The following PPP2CA variants were observed in gnomAD, a reference collection of about 807,000 sequenced individuals.
PPP2CA encodes the protein serine/threonine-protein phosphatase 2A catalytic subunit alpha isoform.
In PPP2CA, 5 loss-of-function variants were observed where a neutral mutation model predicts 38.8. The ratio of observed to expected loss-of-function variants is 0.13; its 90% CI spans 0.07 to 0.27. The LOEUF (loss-of-function observed/expected upper bound fraction) is 0.27. Among genes scored for constraint, PPP2CA ranks in the 10% least tolerant of loss-of-function variants. The probability of loss-of-function intolerance (pLI) is 1.00; values close to 1 mark genes in which losing one functional copy is unlikely to be tolerated. For missense variants in PPP2CA, 88 were observed against 389.7 expected, an observed-to-expected ratio of 0.23 and a Z score of 6.52; for synonymous variants, 152 against 134.0, an observed-to-expected ratio of 1.13 and a Z score of -0.93.
chr5:134,225,336 AG>A (rs1762546815), intron 1 of PPP2CA: 5 of 166,418 alleles, frequency 3.0e-5, no homozygotes, highest in Non-Finnish European at 2.6e-5. Flanking sequence ...TCCTCTGGGC[AG>A]CTCTGGACCT....
intron 1 of PPP2CA, among the ~76,000 whole-genome samples, chr5:134,223,469 G>A (rs914812518): frequency 2.6e-5 from 4 of 152,238 alleles, no homozygotes; most frequent in Non-Finnish European, 1.5e-5. Flanking sequence ...TAAACAGTAT[G>A]AAGGTTGTAT....
At chr5:134,219,906 G>A (rs1762400746) in intron 1 of PPP2CA, among the ~76,000 whole-genome samples, 1 of 151,192 alleles carries the variant, frequency 6.6e-6, no homozygotes, top group South Asian at 2.1e-4. Context: ...AGCTACTCAG[G>A]AGGCTGAGGC....
intron 2 of PPP2CA, among the ~76,000 whole-genome samples, chr5:134,204,810 T>A (rs1044926958): frequency 6.6e-6 from 1 of 152,210 alleles, no homozygotes; most frequent in Non-Finnish European, 1.5e-5. Context: ...ACTATTCAAC[T>A]GAGCTAAACC....
intron 5 of PPP2CA, 24 bp downstream of exon 5, chr5:134,200,311 C>G (rs1006768344): frequency 2.6e-6 from 4 of 1,566,046 alleles, no homozygotes; most frequent in Non-Finnish European, 3.5e-6. Context: ...AAAAACAAGT[C>G]ATATTTCAGA....
chr5:134,200,529 T>A (rs1459507896), intron 4 of PPP2CA, 33 bp from the exon 5 acceptor site: 8 of 1,603,558 alleles, frequency 5.0e-6, no homozygotes, highest in Non-Finnish European at 6.8e-6. Flanking sequence ...AAAATGCCTT[T>A]TACAAACATG....
intron 1 of PPP2CA, among the ~76,000 whole-genome samples, chr5:134,220,707 T>C (rs1762423456): frequency 6.6e-6 from 1 of 152,176 alleles, no homozygotes; most frequent in African/African-American, 2.4e-5. Flanking sequence ...TTTCCTAACT[T>C]ACCCCTTCCA....
intron 1 of PPP2CA, among the ~76,000 whole-genome samples, chr5:134,210,302 T>G (rs994112078): frequency 1.3e-5 from 2 of 152,136 alleles, no homozygotes; most frequent in Non-Finnish European, 2.9e-5. Context: ...AAGTAAATGG[T>G]AGAACCAGAC....
chr5:134,199,483 T>A (rs1489500370), intron 5 of PPP2CA: 1 of 280,572 alleles, frequency 3.6e-6, no homozygotes, highest in Admixed American at 4.8e-5. Context: ...CACCAAAGAA[T>A]GAAATACTTC....
chr5:134,219,346 C>T (rs1005399002), intron 1 of PPP2CA, among the ~76,000 whole-genome samples: 2 of 152,246 alleles, frequency 1.3e-5, no homozygotes, highest in Non-Finnish European at 2.9e-5. Flanking sequence ...CAAATGTACA[C>T]TGTCACACGA....
In PPP2CA at chr5:134,226,009, T is replaced by A; in HGVS notation, c.-148A>T. 1.6e-6 allele frequency: 1 copy of A among 631,034 alleles called. No individual in the cohort carries two copies. 39.1% of individuals were successfully genotyped at this position (631,034 alleles called of 1,614,324 possible). A position where few individuals can be genotyped will look rare whatever the true frequency, so the allele number is the denominator to read the frequency against. On this transcript the variant is annotated 5_prime_UTR_variant, in exon 1 of 7. Coordinates refer to ENST00000481195, the MANE Select transcript of PPP2CA (RefSeq NM_002715.4). ...GCTGGCCCGCTGGCTCTCACCGCAGTACTCGGCCGTCGGCCGCTGCGCCTC... is the reference window on the plus strand; with the variant it reads ...GCTGGCCCGCTGGCTCTCACCGCAGAACTCGGCCGTCGGCCGCTGCGCCTC...
chr5:134,213,053 C>G (rs956954134), intron 1 of PPP2CA, among the ~76,000 whole-genome samples: 1 of 152,156 alleles, frequency 6.6e-6, no homozygotes, highest in South Asian at 2.1e-4. Context: ...GACGATCTAC[C>G]TAAGATAAGT....
At chr5:134,200,015 A>C (rs1264701098) in intron 5 of PPP2CA, among the ~76,000 whole-genome samples, 2 of 152,252 alleles carry the variant, frequency 1.3e-5, no homozygotes, top group Non-Finnish European at 2.9e-5. Context: ...TACATTAAAT[A>C]TACGAAATAA....
rs1311693738 is a variant in PPP2CA at position 134,225,815 on chromosome 5, T to G, written c.47A>C (p.Gln16Pro). The change falls in exon 1 of 7, where the codon CAG becomes CCG. Residue 16 changes from glutamine (Q) to proline (P), a missense_variant. Around this residue, in one of 4 missense-constraint regions of PPP2CA, gnomAD observed 34 missense variants for 57.1 expected, o/e 0.60. Coordinates refer to ENST00000481195, the MANE Select transcript of PPP2CA (RefSeq NM_002715.4). Reference protein sequence around the residue: ...FTKELDQWIEQLNECKQLSES... With the variant: ...FTKELDQWIEPLNECKQLSES... ...GGACAGCTGCTTGCACTCGTTCAGC[T>G]GCTCGATCCACTGGTCCAGCTCCTT... The G allele has an allele frequency of 1.2e-6, 2 of 1,610,978 alleles. No homozygotes were observed. The highest frequency in any genetic ancestry group is 8.5e-7 in the Non-Finnish European group (1 of 1,179,252).
chr5:134,202,135 A>G, intron 2 of PPP2CA, 114 bp from the exon 3 acceptor site: 1 of 1,025,854 alleles, frequency 9.7e-7, no homozygotes, highest in Non-Finnish European at 1.4e-6. Context: ...AAAACAGCAC[A>G]CATCCTCATA....
At chr5:134,212,514 A>G (rs116750841) in intron 1 of PPP2CA, among the ~76,000 whole-genome samples, 2,595 of 152,242 alleles carry the variant, frequency 0.017, 76 homozygotes, top group African/African-American at 0.059. Context: ...GGGCCTCCCT[A>G]TCCCCTGAGA....
At chr5:134,224,392 C>A (rs2149389743) in intron 1 of PPP2CA, 3 of 417,116 alleles carry the variant, frequency 7.2e-6, no homozygotes, top group Middle Eastern at 3.5e-4. Context: ...AAATCTAAAT[C>A]TGACTTACTT....
intron 6 of PPP2CA, among the ~76,000 whole-genome samples, chr5:134,198,517 A>G (rs1418018565): frequency 6.6e-6 from 1 of 152,232 alleles, no homozygotes; most frequent in Non-Finnish European, 1.5e-5. Flanking sequence ...TCCATTAAAA[A>G]AAAAACAAAA....
In PPP2CA at chr5:134,220,215, T is replaced by C. The variant is rs148700213; in HGVS notation, c.102+5545A>G. On this transcript the variant is annotated intron_variant, in intron 1 of 6. Coordinates refer to ENST00000481195, the MANE Select transcript of PPP2CA (RefSeq NM_002715.4). ...GGCTCATGCCTGTAATCCTAGCACT[T>C]TGGGAGGCTGAGATGGGTGGATCAC... is the stretch of plus-strand genomic sequence containing the variant. Among the ~76,000 whole-genome samples the C allele has an allele frequency of 8.2e-3, 1,247 of 151,336 alleles. 18 individuals carry two copies. Among genetic ancestry groups the C allele is most frequent in the African/African-American group, 0.028 (1,149 of 41,274 alleles).
intron 1 of PPP2CA, among the ~76,000 whole-genome samples, chr5:134,216,728 T>G (rs989664414): frequency 1.3e-5 from 2 of 152,028 alleles, no homozygotes; most frequent in African/African-American, 4.8e-5. Context: ...GGTCTCAAAC[T>G]CCTAGTCTCG....
Sources: allele counts gnomAD v4.1 joint callset (sites outside exome capture counted in the v4.1 genomes callset), GRCh38; gene constraint gnomAD v4.1.1; regional missense constraint gnomAD v4.1.1; transcripts MANE v1.5; gene names NCBI Gene and HGNC (gene_info 2026-07-23, HGNC 2026-07-21).